The following KCNK18 variants were observed in gnomAD, a reference collection of about 807,000 sequenced individuals.
KCNK18 encodes potassium two pore domain channel subfamily K member 18.
In KCNK18, 8 loss-of-function variants were observed where a neutral mutation model predicts 11.8. The ratio of observed to expected loss-of-function variants is 0.68; its 90% CI spans 0.40 to 1.22. KCNK18 has a LOEUF of 1.22. Ranked by LOEUF, KCNK18 falls within the 50% of genes most tolerant of loss-of-function variation. The pLI, the probability that KCNK18 is intolerant of heterozygous loss-of-function variation, is 0.01. For missense variants in KCNK18, 442 were observed against 465.4 expected (o/e 0.95, Z 0.46); for synonymous variants, 208 against 185.8 (o/e 1.12, Z -0.97).
In KCNK18 at chr10:117,210,194, T is replaced by C. The variant is rs1843747441; in HGVS notation, c.1050T>C (p.Ile350=). 1.9e-6 allele frequency: 3 copies of C among 1,614,032 alleles called. No individual in the cohort carries two copies. The highest frequency in any genetic ancestry group is 2.5e-6 in the Non-Finnish European group (3 of 1,179,872). The change falls in exon 3 of 3, where the codon ATT becomes ATC. Residue 350 remains isoleucine, a synonymous_variant. Coordinates refer to ENST00000334549, the MANE Select transcript of KCNK18 (RefSeq NM_181840.1). ...TTTATATCATCGTTGGAATGGAGAT[T>C]GTGTTCATTGCTTTCAAGTTGGTGC... ...FSIYIIVGME[I]VFIAFKLVQN... is the part of the protein sequence containing the mutation.
intron 2 of KCNK18, among the ~76,000 whole-genome samples, chr10:117,202,438 G>A (rs1256319810): frequency 6.6e-6 from 1 of 152,236 alleles, no homozygotes; most frequent in Non-Finnish European, 1.5e-5. Flanking sequence ...TGTGAGGACA[G>A]CTCTAGGCTG....
intron 1 of KCNK18, among the ~76,000 whole-genome samples, chr10:117,198,332 C>T (rs1047882408): frequency 3.3e-5 from 5 of 152,070 alleles, no homozygotes; most frequent in Non-Finnish European, 7.4e-5. Context: ...GCTCTCCCAG[C>T]TTGCTCTGCA....
intron 1 of KCNK18, 140 bp from the exon 2 acceptor site, chr10:117,201,019 C>T (rs363306): frequency 0.05 from 48,909 of 969,924 alleles, 2,658 homozygotes; most frequent in Admixed American, 0.21. Flanking sequence ...AGGACTCCGA[C>T]CACCGAGCTT....
chr10:117,209,922 A>G lies in KCNK18; in HGVS notation c.778A>G (p.Arg260Gly). ...CTCGTGTCCCGAACTGGTGTTGGGA[A>G]GACTCTCATACTCCATCATCAGCAA... ...SNSCPELVLG[R>G]LSYSIISNLD... Residue 260 changes from arginine (R) to glycine (G), a missense_variant, in exon 3 of 3, where the codon AGA becomes GGA. Physicochemically the swap from Arg to Gly is moderately radical, Grantham distance 125. Transcript: ENST00000334549. 1 of 1,614,196 alleles carries G rather than the reference A, an allele frequency of 6.2e-7. No homozygotes were observed. Among genetic ancestry groups the G allele is most frequent in the Non-Finnish European group, 8.5e-7 (1 of 1,180,034 alleles).
chr10:117,209,933 C>T lies in KCNK18; in HGVS notation c.789C>T (p.Tyr263=). ...AACTGGTGTTGGGAAGACTCTCATA[C>T]TCCATCATCAGCAACCTGGATGAAG... ...CPELVLGRLS[Y]SIISNLDEVG... is the part of the protein sequence containing the mutation. The change falls in exon 3 of 3, where the codon TAC becomes TAT. Residue 263 remains tyrosine (Y), a synonymous_variant. Coordinates refer to ENST00000334549, the MANE Select transcript of KCNK18 (RefSeq NM_181840.1). 1 of 1,614,242 alleles carries T rather than the reference C, an allele frequency of 6.2e-7. No homozygotes were observed. Among genetic ancestry groups the T allele is most frequent in the Non-Finnish European group, 8.5e-7 (1 of 1,180,046 alleles).
intron 2 of KCNK18, among the ~76,000 whole-genome samples, chr10:117,203,723 G>A (rs1169783416): frequency 6.6e-6 from 1 of 152,178 alleles, no homozygotes; most frequent in Non-Finnish European, 1.5e-5. Flanking sequence ...TTTTAGTAGA[G>A]ATGGGGTTTC....
At chr10:117,200,344 T>G (rs1480582754) in intron 1 of KCNK18, among the ~76,000 whole-genome samples, 1 of 152,176 alleles carries the variant, frequency 6.6e-6, no homozygotes, top group African/African-American at 2.4e-5. Context: ...CTCCAAAGTG[T>G]TGCAATTATA....
rs147876578 is a variant in KCNK18, at chr10:117,201,241, C to T, written c.306C>T (p.Ser102=). ...GGTTTAACAGGACCACACACTGGTC[C>T]TTCCTGAGCTCGCTCTTTTTCTGCT... ...PQWFNRTTHW[S]FLSSLFFCCT... The change falls in exon 2 of 3, where the codon TCC becomes TCT. Residue 102 remains serine (S), a synonymous_variant. Transcript: ENST00000334549. The T allele has an allele frequency of 4.8e-5, 78 of 1,613,998 alleles. No individual in the cohort carries two copies. The highest frequency in any genetic ancestry group is 3.2e-4 in the African/African-American group (24 of 74,924).
intron 2 of KCNK18, 142 bp downstream of exon 2, chr10:117,201,429 A>G (rs1855013185): frequency 1.3e-5 from 11 of 878,170 alleles, no homozygotes; most frequent in Non-Finnish European, 2.0e-5. Context: ...TATATTGCAC[A>G]CCTACAAATA....
intron 2 of KCNK18, among the ~76,000 whole-genome samples, chr10:117,204,257 G>A (rs1297005759): frequency 7.6e-6 from 1 of 130,982 alleles, no homozygotes; most frequent in Non-Finnish European, 1.6e-5. Context: ...AGTTGGCCTG[G>A]ATGGCAGAGT....
At position 117,201,279 on chromosome 10, in the gene KCNK18, GCA is replaced by G. The variant is rs1272044096; in HGVS notation, c.346_347del (p.Thr116ArgfsTer48). On this transcript the variant is annotated frameshift_variant, in exon 2 of 3. Transcript: ENST00000334549. LOFTEE classifies it low-confidence loss of function (END_TRUNC). Reference sequence around the variant, plus strand: ...CTCTTTTTCTGCTGCACGGTGTTCAGCACCGTGGGTAAGTGCAAAGCCACAGT... The same window carrying G: ...CTCTTTTTCTGCTGCACGGTGTTCAGCCGTGGGTAAGTGCAAAGCCACAGT... 1 of 1,613,168 alleles carries G rather than the reference GCA, an allele frequency of 6.2e-7. No homozygotes were observed. The highest frequency in any genetic ancestry group is 8.5e-7 in the Non-Finnish European group (1 of 1,179,980).
intron 2 of KCNK18, among the ~76,000 whole-genome samples, chr10:117,201,979 C>A (rs363354): frequency 0.067 from 10,163 of 152,300 alleles, 551 homozygotes; most frequent in Admixed American, 0.16. Flanking sequence ...GCAGGAGACA[C>A]AGGAGGCGAT....
At chr10:117,206,023 C>T (rs1678036) in intron 2 of KCNK18, among the ~76,000 whole-genome samples, 100,611 of 151,794 alleles carry the variant, frequency 0.66, 34,383 homozygotes, top group Middle Eastern at 0.79. Context: ...CTCTTCACTC[C>T]AGCCTGGGCA....
intron 2 of KCNK18, 93 bp downstream of exon 2, chr10:117,201,380 C>A: frequency 1.6e-6 from 2 of 1,242,844 alleles, no homozygotes; most frequent in South Asian, 1.2e-5. Flanking sequence ...GTGGAGATGG[C>A]CCTCCTCTCC....
chr10:117,205,084 C>T (rs577748889), intron 2 of KCNK18, among the ~76,000 whole-genome samples: 9 of 152,268 alleles, frequency 5.9e-5, no homozygotes, highest in African/African-American at 2.2e-4. Flanking sequence ...TGCTTCCTGC[C>T]CTGCATCTCT....
rs972741142 is a variant in KCNK18 at position 117,204,272 on chromosome 10, AAAAAAAAAAAAAAAG to A, written c.352+2992_352+3006del. ...AGTTGGCCTGGATGGCAGAGTCTCA[AAAAAAAAAAAAAAAG>A]AAAAAAGAAAAAAACCTCAGATGCA... On this transcript the variant is annotated intron_variant, in intron 2 of 2. Transcript: ENST00000334549. Among the ~76,000 whole-genome samples the A allele has an allele frequency of 2.1e-4, 31 of 145,258 alleles. 1 individual carries two copies. Among genetic ancestry groups the A allele is most frequent in the African/African-American group, 5.6e-4 (21 of 37,558 alleles).
chr10:117,202,795 C>CTGCTGCACCG (rs1855028946), intron 2 of KCNK18, among the ~76,000 whole-genome samples: 1 of 151,796 alleles, frequency 6.6e-6, no homozygotes, highest in South Asian at 2.1e-4. Flanking sequence ...GGTGGGCAAC[C>CTGCTGCACCG]GGTGTCTGCT....
intron 1 of KCNK18, 34 bp from the exon 2 acceptor site, chr10:117,201,125 T>C: frequency 6.2e-7 from 1 of 1,613,000 alleles, no homozygotes. Flanking sequence ...CAGCAGAACC[T>C]TTTCCTCAAA....
intron 1 of KCNK18, among the ~76,000 whole-genome samples, chr10:117,198,696 C>T (rs1347793463): frequency 6.6e-6 from 1 of 152,206 alleles, no homozygotes; most frequent in Non-Finnish European, 1.5e-5. Context: ...GGTGTGGGGG[C>T]TCCTTCCACA....
Sources: allele counts gnomAD v4.1 joint callset (sites outside exome capture counted in the v4.1 genomes callset), GRCh38; gene constraint gnomAD v4.1.1; transcripts MANE v1.5; gene names NCBI Gene and HGNC (gene_info 2026-07-23, HGNC 2026-07-21).